ALDH4A1: variants seen among roughly 807,000 people sequenced by gnomAD.
The protein encoded by ALDH4A1 is delta-1-pyrroline-5-carboxylate dehydrogenase, mitochondrial.
Under a neutral mutation model 70.5 loss-of-function variants are expected in ALDH4A1, and 46 were observed. The observed-to-expected ratio is 0.65, with a 90% confidence interval of 0.51 to 0.83. ALDH4A1 has a LOEUF of 0.83. Among genes scored for constraint, ALDH4A1 ranks in the 40% least tolerant of loss-of-function variants. ALDH4A1 has a pLI of 0.00. For missense variants in ALDH4A1, 749 were observed against 766.5 expected (o/e 0.98, Z 0.27); for synonymous variants, 323 against 324.3 (o/e 1.00, Z 0.04).
chr1:18,878,944 A>G (rs1934848746), intron 9 of ALDH4A1, among the ~76,000 whole-genome samples: 1 of 152,088 alleles, frequency 6.6e-6, no homozygotes, highest in Non-Finnish European at 1.5e-5. Flanking sequence ...TGGTCTCTGC[A>G]TTTGCACTTG....
At position 18,880,392 on chromosome 1, in the gene ALDH4A1, G is replaced by A. The variant is rs1025463626; in HGVS notation, c.867-1019C>T. Among the ~76,000 whole-genome samples the A allele has an allele frequency of 1.3e-5, 2 of 148,738 alleles. No homozygotes were observed. Among genetic ancestry groups the A allele is most frequent in the East Asian group, 2.0e-4 (1 of 5,088 alleles). On this transcript the variant is annotated intron_variant, in intron 8 of 14. Coordinates refer to ENST00000375341, the MANE Select transcript of ALDH4A1 (RefSeq NM_003748.4). The surrounding 1 kb of genome is among the most constrained non-coding windows in gnomAD (Gnocchi z 5.1). ...CTGACAACCCCCCTCATCCCCACACGCACCCCAACCCCAACTCCAGGACAG... is the reference window on the plus strand; with the variant it reads ...CTGACAACCCCCCTCATCCCCACACACACCCCAACCCCAACTCCAGGACAG...
At chr1:18,885,431 A>AACC in intron 5 of ALDH4A1, 42 bp downstream of exon 5, 3 of 478,976 alleles carry the variant, frequency 6.3e-6, no homozygotes, top group South Asian at 2.3e-5. Context: ...CCTGACTCCC[A>AACC]CCCCACCCCG....
At chr1:18,879,230 T>C in intron 9 of ALDH4A1, 70 bp downstream of exon 9, 1 of 1,456,294 alleles carries the variant, frequency 6.9e-7, no homozygotes, top group Non-Finnish European at 9.4e-7. Flanking sequence ...TCTACCTCCC[T>C]CCTCTTTCAT....
intron 12 of ALDH4A1, 143 bp from the exon 13 acceptor site, chr1:18,875,646 T>A: frequency 1.5e-6 from 2 of 1,326,262 alleles, no homozygotes; most frequent in Non-Finnish European, 2.1e-6. Flanking sequence ...AAGGGTCAGG[T>A]GTCGCCTCCT....
chr1:18,889,604 T>C, intron 2 of ALDH4A1, 150 bp from the exon 3 acceptor site: 1 of 715,574 alleles, frequency 1.4e-6, no homozygotes. Context: ...AGAGAACATG[T>C]GCTGCCCTCG....
At chr1:18,887,564 A>T (rs1260074187) in intron 3 of ALDH4A1, among the ~76,000 whole-genome samples, 1 of 151,860 alleles carries the variant, frequency 6.6e-6, no homozygotes, top group Admixed American at 6.6e-5. Flanking sequence ...GCACCACTGC[A>T]CTCCAGCCTG....
At chr1:18,900,352 G>T (rs1426443432) in intron 1 of ALDH4A1, among the ~76,000 whole-genome samples, 1 of 152,194 alleles carries the variant, frequency 6.6e-6, no homozygotes, top group Non-Finnish European at 1.5e-5. Flanking sequence ...ATGCAGACAT[G>T]GCATGTCACG....
At chr1:18,894,339 G>C (rs1324661538) in intron 1 of ALDH4A1, among the ~76,000 whole-genome samples, 1 of 152,142 alleles carries the variant, frequency 6.6e-6, no homozygotes, top group Non-Finnish European at 1.5e-5. Flanking sequence ...TCAGGAGTTC[G>C]AGACCAGCCT....
chr1:18,878,197 C>G (rs1402638127), intron 9 of ALDH4A1, among the ~76,000 whole-genome samples: 1 of 152,188 alleles, frequency 6.6e-6, no homozygotes, highest in Non-Finnish European at 1.5e-5. Flanking sequence ...AACAGCTGCC[C>G]AACTCTGGAC....
rs572934207 is a variant in ALDH4A1 at position 18,886,831 on chromosome 1, G to A, written c.250-320C>T. Among the ~76,000 whole-genome samples, 17 of 152,278 alleles carry A rather than the reference G, an allele frequency of 1.1e-4. No individual in the cohort carries two copies. In the East Asian group the frequency reaches 2.5e-3, roughly 22 times the overall value. ...CAGAGAGACATGGGTTCGAATCCTG[G>A]CTCTGCCACCTACTAGCTGTGGGGC... On this transcript the variant is annotated intron_variant, in intron 3 of 14. Transcript: ENST00000375341.
intron 14 of ALDH4A1, among the ~76,000 whole-genome samples, chr1:18,873,933 G>T (rs7517650): frequency 6.6e-6 from 1 of 152,088 alleles, no homozygotes; most frequent in Admixed American, 6.5e-5. Context: ...AAGTTGGGGG[G>T]TCAGTCTTAC....
Position 18,876,328 on chromosome 1 carries a change from G to A in ALDH4A1, c.1325C>T (p.Pro442Leu). Residue 442 changes from proline to leucine, a missense_variant, in exon 12 of 15, where the codon CCC becomes CTC. Coordinates refer to ENST00000375341, the MANE Select transcript of ALDH4A1 (RefSeq NM_003748.4). ...CIVESKDPQE[P>L]IMKEEIFGPV... ...CACCCCAGTCACCTCCTTCATGATG[G>A]GCTCCTGAGGGTCCTTGCTCTCCAC... 6.2e-7 allele frequency: 1 copy of A among 1,613,796 alleles called. No homozygotes were observed. Among genetic ancestry groups the A allele is most frequent in the Non-Finnish European group, 8.5e-7 (1 of 1,179,990 alleles).
At chr1:18,889,531 A>G in intron 2 of ALDH4A1, 77 bp from the exon 3 acceptor site, 2 of 1,339,088 alleles carry the variant, frequency 1.5e-6, no homozygotes, top group African/African-American at 2.9e-5. Flanking sequence ...CGCAGAGTCC[A>G]CAGACGGAGG....
intron 4 of ALDH4A1, 31 bp from the exon 5 acceptor site, chr1:18,885,659 C>T: frequency 6.2e-7 from 1 of 1,613,330 alleles, no homozygotes. Flanking sequence ...TGGGGACTGC[C>T]ACCTGCAGCG....
In ALDH4A1 at chr1:18,871,928, G is replaced by A. The variant is rs891909298; in HGVS notation, c.*917C>T. ...CCTCGGCCCATGCTGACGAACCCAA[G>A]GCCAGGCCTCTGGGGGCTGGGAGAA... is the stretch of plus-strand genomic sequence containing the variant. On this transcript the variant is annotated 3_prime_UTR_variant, in exon 15 of 15. Transcript: ENST00000375341. 1.3e-5 allele frequency: 2 copies of A among 152,402 alleles called. No homozygotes were observed. The highest frequency in any genetic ancestry group is 2.9e-5 in the Non-Finnish European group (2 of 68,156). 9.4% of individuals were successfully genotyped at this position (152,402 alleles called of 1,614,324 possible). A position where few individuals can be genotyped will look rare whatever the true frequency, so the allele number is the denominator to read the frequency against.
intron 1 of ALDH4A1, chr1:18,900,730 A>C: frequency 1.9e-6 from 1 of 535,812 alleles, no homozygotes; most frequent in Non-Finnish European, 2.4e-6. Flanking sequence ...ACCAGCTGCA[A>C]AATGCTCTTT....
intron 5 of ALDH4A1, 46 bp downstream of exon 5, chr1:18,885,427 T>TACCACCCCCCCCCCCCCCCCCCCC: frequency 1.4e-5 from 9 of 650,922 alleles, no homozygotes; most frequent in East Asian, 9.5e-5. Context: ...CACACCTGAC[T>TACCACCCCCCCCCCCCCCCCCCCC]CCCACCCCAC....
At chr1:18,891,602 C>T (rs1032732690) in intron 1 of ALDH4A1, among the ~76,000 whole-genome samples, 1 of 152,078 alleles carries the variant, frequency 6.6e-6, no homozygotes, top group Non-Finnish European at 1.5e-5. Context: ...AAGGAAGCCA[C>T]GGTTAGCTCT....
At chr1:18,897,060 C>T (rs747938029) in intron 1 of ALDH4A1, 5 of 534,182 alleles carry the variant, frequency 9.4e-6, no homozygotes, top group African/African-American at 5.8e-5. Context: ...GTATGAGGAA[C>T]GCATGACAAG....
Sources: allele counts gnomAD v4.1 joint callset (sites outside exome capture counted in the v4.1 genomes callset), GRCh38; gene constraint gnomAD v4.1.1; non-coding constraint Gnocchi (gnomAD v3.1); transcripts MANE v1.5; gene names NCBI Gene and HGNC (gene_info 2026-07-23, HGNC 2026-07-21).